Variants in PTPRS observed in about 807,000 individuals in gnomAD.
PTPRS encodes receptor-type tyrosine-protein phosphatase S.
PTPRS carries 63 observed loss-of-function variants against 215.3 expected under a neutral mutation model. The observed-to-expected ratio is 0.29, with a 90% CI of 0.24 to 0.36. The LOEUF (loss-of-function observed/expected upper bound fraction) is 0.36. Ranked by LOEUF, PTPRS falls within the 10% of genes least tolerant of loss-of-function variation. PTPRS has a pLI of 1.00. For synonymous variants in PTPRS, 1,404 were observed against 1,191.4 expected, an observed-to-expected ratio of 1.18 and a Z score of -3.68; for missense variants, 2,258 against 2,825.8, an observed-to-expected ratio of 0.80 and a Z score of 4.56.
intron 14 of PTPRS, 132 bp downstream of exon 14, chr19:5,231,178 G>T: frequency 1.0e-6 from 1 of 989,438 alleles, no homozygotes; most frequent in Non-Finnish European, 1.4e-6. Context: ...CGGGGAGGCT[G>T]CTTGCTTCCC....
rs1226008711 is a variant in PTPRS at position 5,339,538 on chromosome 19, T to G, written c.-95+1126A>C. ...TTCCCCAATTTGGGAAGGGGGGGAA[T>G]TGGTGGGAAATGTCCAGGATTTGTA... On this transcript the variant is annotated intron_variant, in intron 1 of 37. Transcript: ENST00000262963. This position sits in a 1 kb window ranked among gnomAD's most constrained non-coding sequence, Gnocchi z 4.2. 6.6e-6 allele frequency among the ~76,000 whole-genome samples: 1 copy of G among 150,394 alleles called. No individual in the cohort carries two copies. The highest frequency in any genetic ancestry group is 2.5e-5 in the African/African-American group (1 of 40,752).
intron 7 of PTPRS, 47 bp from the exon 8 acceptor site, chr19:5,258,174 G>A (rs549729932): frequency 1.3e-6 from 2 of 1,499,116 alleles, no homozygotes. Flanking sequence ...GGGGGCCCAG[G>A]AGTGAACAGG....
intron 13 of PTPRS, among the ~76,000 whole-genome samples, chr19:5,232,534 G>A (rs1045288617): frequency 1.3e-5 from 2 of 150,290 alleles, no homozygotes; most frequent in Non-Finnish European, 3.0e-5. Flanking sequence ...GCCAGGTACC[G>A]TGCCAAGGGG....
At chr19:5,328,880 C>A (rs1326046795) in intron 1 of PTPRS, among the ~76,000 whole-genome samples, 1 of 152,192 alleles carries the variant, frequency 6.6e-6, no homozygotes, top group Non-Finnish European at 1.5e-5. Context: ...ACTCTCAGAG[C>A]AGGACCAGGG....
chr19:5,240,274 C>T lies in PTPRS; in HGVS notation c.1629G>A (p.Leu543=). 1 of 1,598,094 alleles carries T rather than the reference C, an allele frequency of 6.3e-7. No homozygotes were observed. The highest frequency in any genetic ancestry group is 8.5e-7 in the Non-Finnish European group (1 of 1,173,822). Residue 543 remains leucine, a synonymous_variant, in exon 12 of 38, where the codon CTG becomes CTA. Transcript: ENST00000262963. ...AEARSETSIT[L]SWSPPRQESI... Reference sequence around the variant, plus strand: ...TCTCCTGCCGCGGGGGGCTCCAGGACAGCGTGATGCTGGTCTCCGACCTGG... The same window carrying T: ...TCTCCTGCCGCGGGGGGCTCCAGGATAGCGTGATGCTGGTCTCCGACCTGG...
chr19:5,216,674 C>A (rs758812762), intron 26 of PTPRS, 46 bp downstream of exon 26: 3 of 1,440,682 alleles, frequency 2.1e-6, no homozygotes, highest in South Asian at 1.2e-5. Flanking sequence ...AGGAAATGAA[C>A]GGGGGCGGGG....
At position 5,214,354 on chromosome 19, in the gene PTPRS, G is replaced by GC; in HGVS notation, c.4614+6dup. ...CCCTCAGCCCCCAGCCCCAGCCTGG[G>GC]CCCCACCTTGTGCAGAGAGAATGTC... On this transcript the variant is annotated splice_region_variant and intron_variant, in intron 30 of 37. Transcript: ENST00000262963. 1 of 1,613,936 alleles carries GC rather than the reference G, an allele frequency of 6.2e-7. No homozygotes were observed. Among genetic ancestry groups the GC allele is most frequent in the South Asian group, 1.1e-5 (1 of 91,066 alleles).
chr19:5,291,176 G>A (rs957138780), intron 1 of PTPRS, among the ~76,000 whole-genome samples: 5 of 152,174 alleles, frequency 3.3e-5, no homozygotes, highest in African/African-American at 1.2e-4. Context: ...TGGTGGCCAG[G>A]AGTGGATGGG....
Position 5,257,349 on chromosome 19 carries a change from C to T in PTPRS, c.706+668G>A. ...AGCTTCGCTGGGTGCCGTGCCTGCC[C>T]CAGCTCGGTGCAACTACCGAGCCCC... is the stretch of plus-strand genomic sequence containing the variant. On this transcript the variant is annotated intron_variant, in intron 8 of 37. Coordinates refer to ENST00000262963, the MANE Select transcript of PTPRS (RefSeq NM_002850.4). This position sits in a 1 kb window ranked among gnomAD's most constrained non-coding sequence, Gnocchi z 4.4. 2.2e-6 allele frequency: 1 copy of T among 448,870 alleles called. No individual in the cohort carries two copies. Among genetic ancestry groups the T allele is most frequent in the Non-Finnish European group, 4.5e-6 (1 of 221,990 alleles). 27.8% of individuals were successfully genotyped at this position (448,870 alleles called of 1,614,324 possible). A position where few individuals can be genotyped will look rare whatever the true frequency, so the allele number is the denominator to read the frequency against.
Position 5,258,745 on chromosome 19 carries a change from G to A in PTPRS, c.596-618C>T, listed in dbSNP as rs117734872. On this transcript the variant is annotated intron_variant, in intron 7 of 37. Transcript: ENST00000262963. ...AAATTTCAGGATTAGGTTATACCCT[G>A]AGGCAGCTAAAGTAAAAAAACGTTG... Among the ~76,000 whole-genome samples the A allele has an allele frequency of 4.0e-3, 604 of 152,332 alleles. 3 individuals are homozygous for A. The highest frequency in any genetic ancestry group is 0.018 in the South Asian group (85 of 4,824).
intron 2 of PTPRS, among the ~76,000 whole-genome samples, chr19:5,277,571 G>C (rs1226988141): frequency 6.6e-6 from 1 of 151,682 alleles, no homozygotes. Context: ...CAGGAGAATG[G>C]AGTGAACCCA....
At position 5,212,327 on chromosome 19, in the gene PTPRS, G is replaced by C. The variant is rs2040980848; in HGVS notation, c.4769+10C>G. 1 of 1,613,456 alleles carries C rather than the reference G, an allele frequency of 6.2e-7. No individual in the cohort carries two copies. The highest frequency in any genetic ancestry group is 1.3e-5 in the African/African-American group (1 of 75,072). ...GGGGAAGCGGATGGGGCAGAGTGGGGTGGACGTACCTGCAGTGAACCACGA... is the reference window on the plus strand; with the variant it reads ...GGGGAAGCGGATGGGGCAGAGTGGGCTGGACGTACCTGCAGTGAACCACGA... On this transcript the variant is annotated intron_variant, in intron 31 of 37. Transcript: ENST00000262963.
At chr19:5,272,021 C>G (rs2046953475) in intron 4 of PTPRS, among the ~76,000 whole-genome samples, 1 of 152,108 alleles carries the variant, frequency 6.6e-6, no homozygotes, top group East Asian at 1.9e-4. Context: ...AGTCCCTGTA[C>G]TCAGCCCGAC....
In PTPRS at chr19:5,240,318, T is replaced by A. The variant is rs1196402998; in HGVS notation, c.1585A>T (p.Met529Leu). Residue 529 changes from methionine to leucine, a missense_variant, in exon 12 of 38, where the codon ATG becomes TTG. Physicochemically the swap from Met to Leu is conservative, Grantham distance 15. Transcript: ENST00000262963. ...GACCTGGCCTCGGCCCGCAGGTTCA[T>A]GGGCTGGCCCGGCACTGTGGGGGTG... ...KTQQGVPGQP[M>L]NLRAEARSET... 6.2e-7 allele frequency: 1 copy of A among 1,602,972 alleles called. No homozygotes were observed. The highest frequency in any genetic ancestry group is 8.5e-7 in the Non-Finnish European group (1 of 1,175,766).
At chr19:5,243,468 T>C (rs1387595809) in intron 11 of PTPRS, among the ~76,000 whole-genome samples, 1 of 151,842 alleles carries the variant, frequency 6.6e-6, no homozygotes, top group Non-Finnish European at 1.5e-5. Flanking sequence ...AGCATGAAAA[T>C]ATATACATAT....
At chr19:5,235,362 T>C (rs2145761084) in intron 13 of PTPRS, among the ~76,000 whole-genome samples, 1 of 152,322 alleles carries the variant, frequency 6.6e-6, no homozygotes, top group South Asian at 2.1e-4. Context: ...TATATAAAAA[T>C]AGTAATAGTT....
intron 35 of PTPRS, 44 bp from the exon 36 acceptor site, chr19:5,208,435 C>G: frequency 6.9e-7 from 1 of 1,458,962 alleles, no homozygotes; most frequent in Non-Finnish European, 9.2e-7. Flanking sequence ...TCAGCAGCGG[C>G]CATGGGGGTT....
chr19:5,326,765 G>A, intron 1 of PTPRS, among the ~76,000 whole-genome samples: 1 of 116,066 alleles, frequency 8.6e-6, no homozygotes, highest in African/African-American at 3.7e-5. Context: ...GAAGGAAGGA[G>A]AAAGAAGGGA....
chr19:5,291,925 C>A (rs925511062), intron 1 of PTPRS, among the ~76,000 whole-genome samples: 2 of 151,900 alleles, frequency 1.3e-5, no homozygotes, highest in African/African-American at 2.4e-5. Flanking sequence ...CCACTTGTGG[C>A]CCCTGGCTCC....
Sources: allele counts gnomAD v4.1 joint callset (sites outside exome capture counted in the v4.1 genomes callset), GRCh38; gene constraint gnomAD v4.1.1; non-coding constraint Gnocchi (gnomAD v3.1); transcripts MANE v1.5; gene names NCBI Gene and HGNC (gene_info 2026-07-23, HGNC 2026-07-21).